Variants in LIN7A observed in about 807,000 individuals in gnomAD.
LIN7A encodes the protein protein lin-7 homolog A.
Under a neutral mutation model 29.8 loss-of-function variants are expected in LIN7A, and 25 were observed. The observed-to-expected ratio is 0.84, with a 90% CI of 0.61 to 1.17. The LOEUF is 1.17. LIN7A is among the 50% of genes most tolerant of loss of function. The pLI is 0.00. For synonymous variants in LIN7A, 118 were observed against 107.5 expected (o/e 1.10, Z -0.60); for missense variants, 239 against 287.0 (o/e 0.83, Z 1.21).
At chr12:80,798,331 C>T (rs893906589) in intron 5 of LIN7A, among the ~76,000 whole-genome samples, 4 of 152,220 alleles carry the variant, frequency 2.6e-5, no homozygotes, top group Non-Finnish European at 4.4e-5. Flanking sequence ...GTGATTTTTA[C>T]ATCTTCGTTC....
intron 1 of LIN7A, among the ~76,000 whole-genome samples, chr12:80,933,030 G>T (rs1877999954): frequency 1.3e-5 from 2 of 152,160 alleles, no homozygotes; most frequent in Admixed American, 1.3e-4. Context: ...AAGGGTAAAT[G>T]ACATGTACTA....
intron 5 of LIN7A, among the ~76,000 whole-genome samples, chr12:80,807,062 A>AGTTTTTTTTTGTTTT (rs1555221316): frequency 6.2e-5 from 2 of 32,288 alleles, no homozygotes; most frequent in African/African-American, 1.6e-4. Flanking sequence ...ATGAAGATGG[A>AGTTTTTTTTTGTTTT]GTTTTTTTTT....
In LIN7A at chr12:80,902,217, G is replaced by GTTT. The variant is rs11410643; in HGVS notation, c.83-12851_83-12849dup. 5.8e-3 allele frequency among the ~76,000 whole-genome samples: 732 copies of GTTT among 125,610 alleles called. 21 individuals carry two copies. Among genetic ancestry groups the GTTT allele is most frequent in the African/African-American group, 0.021 (683 of 32,724 alleles). The allele number at this position is 125,610 out of a possible 152,430, so 82.4% of individuals were successfully genotyped here. On this transcript the variant is annotated intron_variant, in intron 1 of 5. Transcript: ENST00000552864. ...TCTATTCTGTTCCATTGGTCTATGT[G>GTTT]TTTTTTTTTTTTTTTTGTACCAGTA...
At chr12:80,932,629 A>T (rs1425041759) in intron 1 of LIN7A, among the ~76,000 whole-genome samples, 1 of 152,244 alleles carries the variant, frequency 6.6e-6, no homozygotes, top group East Asian at 1.9e-4. Flanking sequence ...ATTCCTTCAT[A>T]AGCCATGAGT....
At chr12:80,804,104 G>GAT (rs1364760436) in intron 5 of LIN7A, among the ~76,000 whole-genome samples, 2 of 151,938 alleles carry the variant, frequency 1.3e-5, no homozygotes, top group African/African-American at 4.8e-5. Flanking sequence ...GTGGGTACAT[G>GAT]ATATATATAT....
At chr12:80,890,397 C>T (rs1565917464) in intron 1 of LIN7A, among the ~76,000 whole-genome samples, 2 of 152,084 alleles carry the variant, frequency 1.3e-5, no homozygotes, top group Non-Finnish European at 2.9e-5. Flanking sequence ...TAAATTTATC[C>T]ATTCACTCAT....
intron 1 of LIN7A, among the ~76,000 whole-genome samples, chr12:80,916,000 A>AAGAACAAAATATAATATAT (rs1379980222): frequency 5.1e-4 from 77 of 152,222 alleles, no homozygotes; most frequent in Non-Finnish European, 9.9e-4. Flanking sequence ...TTTCTAACAA[A>AAGAACAAAATATAATATAT]CCTGCACATG....
At chr12:80,921,238 G>C (rs879915315) in intron 1 of LIN7A, among the ~76,000 whole-genome samples, 1 of 151,868 alleles carries the variant, frequency 6.6e-6, no homozygotes, top group Non-Finnish European at 1.5e-5. Flanking sequence ...GAATATGCTG[G>C]TACCTTGATT....
intron 2 of LIN7A, among the ~76,000 whole-genome samples, chr12:80,870,758 C>A (rs566588802): frequency 1.3e-5 from 2 of 152,284 alleles, no homozygotes; most frequent in African/African-American, 4.8e-5. Flanking sequence ...ATAGTGGAGT[C>A]AAGAACATCA....
At chr12:80,918,296 T>C (rs1426163735) in intron 1 of LIN7A, among the ~76,000 whole-genome samples, 1 of 152,006 alleles carries the variant, frequency 6.6e-6, no homozygotes, top group Non-Finnish European at 1.5e-5. Context: ...ATCCTACCCA[T>C]GTTGGCCTCC....
In LIN7A at chr12:80,845,871, A is replaced by C; in HGVS notation, c.342T>G (p.Thr114=). The change falls in exon 4 of 6, where the codon ACT becomes ACG. Residue 114 remains threonine, a synonymous_variant. Coordinates refer to ENST00000552864, the MANE Select transcript of LIN7A (RefSeq NM_004664.4). ...TCACATTAAAACCAAGGCCTTCATC[A>C]GTCTTTGGCAGTTCAACTACTCGAG... The part of the protein sequence containing the change: ...SHPRVVELPK[T]DEGLGFNVMG... 3 of 1,613,186 alleles carry C rather than the reference A, an allele frequency of 1.9e-6. No homozygotes were observed. The highest frequency in any genetic ancestry group is 2.5e-6 in the Non-Finnish European group (3 of 1,179,680).
At chr12:80,912,366 A>G (rs1329076812) in intron 1 of LIN7A, among the ~76,000 whole-genome samples, 1 of 152,148 alleles carries the variant, frequency 6.6e-6, no homozygotes, top group Non-Finnish European at 1.5e-5. Flanking sequence ...TTGTAACTGA[A>G]TTAGATATAA....
At chr12:80,885,664 G>A (rs1875287662) in intron 2 of LIN7A, among the ~76,000 whole-genome samples, 1 of 152,044 alleles carries the variant, frequency 6.6e-6, no homozygotes, top group African/African-American at 2.4e-5. Flanking sequence ...AGTTGTGTAT[G>A]TAGATGGTCT....
At chr12:80,870,544 C>T (rs945902743) in intron 2 of LIN7A, among the ~76,000 whole-genome samples, 20 of 152,124 alleles carry the variant, frequency 1.3e-4, no homozygotes, top group African/African-American at 3.1e-4. Context: ...TCATCACTTC[C>T]GTTCTTCTTA....
At chr12:80,903,171 T>A (rs10746172) in intron 1 of LIN7A, among the ~76,000 whole-genome samples, 1 of 151,614 alleles carries the variant, frequency 6.6e-6, no homozygotes, top group Non-Finnish European at 1.5e-5. Context: ...TAAAAACCAA[T>A]TGGAGTACTC....
At chr12:80,853,337 A>G (rs1174910831) in intron 2 of LIN7A, among the ~76,000 whole-genome samples, 1 of 120,990 alleles carries the variant, frequency 8.3e-6, no homozygotes, top group Non-Finnish European at 1.9e-5. Context: ...TAATAGTTAA[A>G]AAAAAAAGAA....
At chr12:80,897,574 G>C (rs561940959) in intron 1 of LIN7A, among the ~76,000 whole-genome samples, 2 of 152,058 alleles carry the variant, frequency 1.3e-5, no homozygotes, top group Non-Finnish European at 2.9e-5. Context: ...TGAGAGGAGA[G>C]GTGGGTGGAT....
intron 1 of LIN7A, among the ~76,000 whole-genome samples, chr12:80,919,528 CG>C (rs1408608367): frequency 3.3e-5 from 5 of 152,076 alleles, no homozygotes; most frequent in African/African-American, 7.2e-5. Flanking sequence ...AAACTTCCAC[CG>C]GGTGCTTCCT....
Position 80,868,448 on chromosome 12 carries a change from G to T in LIN7A, c.202-20126C>A, listed in dbSNP as rs1874251637. ...CTAGGTGTGATGGCGCATGCCTGTG[G>T]TCCCAGCTACTTGGGAGGCTGAGTC... On this transcript the variant is annotated intron_variant, in intron 2 of 5. Coordinates refer to ENST00000552864, the MANE Select transcript of LIN7A (RefSeq NM_004664.4). Among the ~76,000 whole-genome samples the T allele has an allele frequency of 2.0e-5, 3 of 152,158 alleles. No homozygotes were observed. The South Asian group carries it at 6.2e-4, about 32-fold the overall frequency.
Sources: allele counts gnomAD v4.1 joint callset (sites outside exome capture counted in the v4.1 genomes callset), GRCh38; gene constraint gnomAD v4.1.1; transcripts MANE v1.5; gene names NCBI Gene and HGNC (gene_info 2026-07-23, HGNC 2026-07-21).